IL1RAPL1: variants seen among roughly 807,000 people sequenced by gnomAD.
The protein encoded by IL1RAPL1 is interleukin-1 receptor accessory protein-like 1.
A neutral mutation model predicts 48.4 loss-of-function variants in IL1RAPL1; 3 were observed. That is an observed-to-expected ratio of 0.06 (90% confidence interval 0.03 to 0.16). IL1RAPL1 has a LOEUF of 0.16. Among genes scored for constraint, IL1RAPL1 ranks in the 10% least tolerant of loss-of-function variants. The pLI is 1.00. For missense variants in IL1RAPL1, 349 were observed against 530.6 expected (o/e 0.66, Z 3.36); for synonymous variants, 185 against 187.7 (o/e 0.99, Z 0.12).
intron 1 of IL1RAPL1, among the ~76,000 whole-genome samples, chrX:28,733,084 A>G: frequency 9.2e-6 from 1 of 108,742 alleles, no homozygotes; most frequent in East Asian, 2.8e-4. Flanking sequence ...GTAACAATTT[A>G]TTATACAGGT....
intron 2 of IL1RAPL1, among the ~76,000 whole-genome samples, chrX:28,975,253 C>T (rs1032976099): frequency 8.9e-6 from 1 of 111,769 alleles, no homozygotes; most frequent in African/African-American, 3.3e-5. Flanking sequence ...ACTCCCTGCC[C>T]CTTCTGCAAC....
At chrX:28,860,926 C>T (rs967561888) in intron 2 of IL1RAPL1, among the ~76,000 whole-genome samples, 1 of 111,129 alleles carries the variant, frequency 9.0e-6, no homozygotes. Flanking sequence ...TAAACATTTA[C>T]GTTAGCCATG....
intron 8 of IL1RAPL1, among the ~76,000 whole-genome samples, chrX:29,929,010 A>C (rs1438813093): frequency 9.0e-6 from 1 of 111,698 alleles, no homozygotes; most frequent in Admixed American, 9.5e-5. Context: ...ATCTAATTTT[A>C]GGGCATGTGT....
intron 6 of IL1RAPL1, among the ~76,000 whole-genome samples, chrX:29,835,672 G>C (rs1930977620): frequency 9.0e-6 from 1 of 110,966 alleles, no homozygotes; most frequent in Non-Finnish European, 1.9e-5. Flanking sequence ...TTTTACTACT[G>C]ATTCAATTTC....
rs369701336 is a variant in IL1RAPL1 at position 29,759,631 on chromosome X, A to G, written c.778+91127A>G. Among the ~76,000 whole-genome samples, 15 of 112,242 alleles carry G rather than the reference A, an allele frequency of 1.3e-4. No individual in the cohort carries two copies. In the East Asian group the frequency reaches 1.9e-3, roughly 15 times the overall value. The stretch of plus-strand genomic sequence containing the variant: ...GTAGGCCTTGATTGTCTTGATTGCA[A>G]ATGCTAGGTACTATATTATGCACAC... On this transcript the variant is annotated intron_variant, in intron 6 of 10. Transcript: ENST00000378993.
intron 2 of IL1RAPL1, among the ~76,000 whole-genome samples, chrX:28,929,790 C>T (rs941360765): frequency 8.9e-6 from 1 of 112,285 alleles, no homozygotes; most frequent in Non-Finnish European, 1.9e-5. Context: ...GAAACAATCC[C>T]ATCCTTTTGT....
At chrX:28,759,163 G>T (rs985464190) in intron 1 of IL1RAPL1, among the ~76,000 whole-genome samples, 2 of 110,730 alleles carry the variant, frequency 1.8e-5, no homozygotes, top group Non-Finnish European at 3.8e-5. Flanking sequence ...GCTTGATCCC[G>T]GGAGGCGGAA....
At chrX:29,081,021 T>TC (rs764776260) in intron 2 of IL1RAPL1, among the ~76,000 whole-genome samples, 443 of 35,578 alleles carry the variant, frequency 0.012, 14 homozygotes, top group Middle Eastern at 0.02. Flanking sequence ...TCTCTCTCTC[T>TC]TTCTTTTCTT....
At chrX:28,897,612 G>A (rs953922474) in intron 2 of IL1RAPL1, among the ~76,000 whole-genome samples, 2 of 112,047 alleles carry the variant, frequency 1.8e-5, no homozygotes, top group African/African-American at 6.5e-5. Context: ...GAGGACCAGA[G>A]GTCGTAGGTG....
At chrX:29,831,525 A>G (rs1930875110) in intron 6 of IL1RAPL1, among the ~76,000 whole-genome samples, 1 of 112,032 alleles carries the variant, frequency 8.9e-6, no homozygotes, top group Non-Finnish European at 1.9e-5. Context: ...CACTGGGGAA[A>G]TAGACATGAA....
At chrX:29,348,040 C>A (rs1268918594) in intron 3 of IL1RAPL1, among the ~76,000 whole-genome samples, 2 of 112,232 alleles carry the variant, frequency 1.8e-5, no homozygotes, top group Non-Finnish European at 3.8e-5. Flanking sequence ...TTGAATTTCC[C>A]ATTTAATATT....
chrX:28,718,112 G>A (rs1333037757), intron 1 of IL1RAPL1, among the ~76,000 whole-genome samples: 2 of 111,359 alleles, frequency 1.8e-5, no homozygotes, highest in East Asian at 2.8e-4. Context: ...AGGAGAATGA[G>A]AAATCATTCA....
intron 2 of IL1RAPL1, among the ~76,000 whole-genome samples, chrX:28,854,921 A>G (rs1921764000): frequency 8.9e-6 from 1 of 112,082 alleles, no homozygotes; most frequent in African/African-American, 3.2e-5. Context: ...CAGCAAGAGT[A>G]AATGGTTGTA....
At chrX:29,295,507 A>G (rs1932436995) in intron 3 of IL1RAPL1, among the ~76,000 whole-genome samples, 2 of 112,238 alleles carry the variant, frequency 1.8e-5, no homozygotes, top group Middle Eastern at 4.6e-3. Context: ...TATTACACAT[A>G]TATGATCACT....
At chrX:29,710,890 T>C (rs1330929114) in intron 6 of IL1RAPL1, among the ~76,000 whole-genome samples, 2 of 108,020 alleles carry the variant, frequency 1.9e-5, no homozygotes, top group African/African-American at 6.7e-5. Flanking sequence ...TTCTTGACTT[T>C]GCTATTAAGT....
intron 2 of IL1RAPL1, among the ~76,000 whole-genome samples, chrX:28,818,060 A>G (rs5985915): frequency 0.02 from 2,188 of 111,106 alleles, 71 homozygotes; most frequent in African/African-American, 0.068. Flanking sequence ...TGAATTACAA[A>G]TCAAATGTTA....
intron 2 of IL1RAPL1, among the ~76,000 whole-genome samples, chrX:28,930,613 G>A (rs949098109): frequency 1.8e-5 from 2 of 111,441 alleles, no homozygotes; most frequent in African/African-American, 6.5e-5. Context: ...AGTTAGAAAC[G>A]ACCATGATTT....
At chrX:29,796,621 TG>T (rs1423158455) in intron 6 of IL1RAPL1, among the ~76,000 whole-genome samples, 4 of 112,415 alleles carry the variant, frequency 3.6e-5, no homozygotes, top group Non-Finnish European at 5.6e-5. Context: ...ATGTTGTATT[TG>T]TTATATTTTA....
chrX:29,729,394 A>C (rs746780609), intron 6 of IL1RAPL1, among the ~76,000 whole-genome samples: 1 of 111,789 alleles, frequency 8.9e-6, no homozygotes, highest in African/African-American at 3.2e-5. Context: ...ATGATGCCAA[A>C]ACGTAGACCT....
Sources: gnomAD v4.1 joint callset for allele counts (sites outside exome capture counted in the v4.1 genomes callset) on GRCh38, gnomAD v4.1.1 for gene constraint, MANE v1.5 for transcripts, NCBI Gene and HGNC (gene_info 2026-07-23, HGNC 2026-07-21) for gene names.